The following SPAG16 variants were observed in gnomAD, a reference collection of about 807,000 sequenced individuals.
SPAG16 encodes the protein sperm-associated antigen 16 protein.
In SPAG16, 86 loss-of-function variants were observed where a neutral mutation model predicts 80.4. That is an observed-to-expected ratio of 1.07 (90% CI 0.90 to 1.28). The LOEUF (loss-of-function observed/expected upper bound fraction) is 1.28, where lower values mean the gene tolerates loss of function less well. Among genes scored for constraint, SPAG16 ranks in the 50% most tolerant of loss-of-function variants. The pLI, the probability that SPAG16 is intolerant of heterozygous loss-of-function variation, is 0.00. For synonymous variants in SPAG16, 294 were observed against 265.9 expected (o/e 1.11, Z -1.03); for missense variants, 870 against 765.3 (o/e 1.14, Z -1.61).
intron 11 of SPAG16, among the ~76,000 whole-genome samples, chr2:213,888,935 G>A (rs2076671565): frequency 6.6e-6 from 1 of 151,804 alleles, no homozygotes; most frequent in Non-Finnish European, 1.5e-5. Context: ...ATATACTACT[G>A]GTATGAATGA....
chr2:214,397,795 C>T (rs533147495), intron 15 of SPAG16, among the ~76,000 whole-genome samples: 1 of 152,258 alleles, frequency 6.6e-6, no homozygotes, highest in Admixed American at 6.5e-5. Flanking sequence ...TCTTTGTTTT[C>T]TTCTCTAATG....
intron 15 of SPAG16, among the ~76,000 whole-genome samples, chr2:214,270,363 A>AT: frequency 6.6e-6 from 1 of 152,258 alleles, no homozygotes; most frequent in Admixed American, 6.5e-5. Context: ...CTTTGTGGGT[A>AT]TTTTTTACTT....
chr2:213,439,005 C>T (rs1415373365), intron 9 of SPAG16, among the ~76,000 whole-genome samples: 1 of 152,186 alleles, frequency 6.6e-6, no homozygotes, highest in African/African-American at 2.4e-5. Context: ...CCTCAGTCAT[C>T]ACAGCTGCAA....
chr2:213,366,479 A>G (rs905365691), intron 8 of SPAG16, among the ~76,000 whole-genome samples: 3 of 152,196 alleles, frequency 2.0e-5, no homozygotes, highest in Non-Finnish European at 2.9e-5. Context: ...CCTCACAATA[A>G]TGGTGGAAGG....
chr2:214,095,854 C>T (rs2052553305), intron 13 of SPAG16, among the ~76,000 whole-genome samples: 2 of 151,880 alleles, frequency 1.3e-5, no homozygotes, highest in South Asian at 4.2e-4. Context: ...TGCTTTTTAA[C>T]CACAATAAAA....
intron 12 of SPAG16, among the ~76,000 whole-genome samples, chr2:213,969,818 G>C (rs568323469): frequency 6.6e-6 from 1 of 150,738 alleles, no homozygotes; most frequent in Non-Finnish European, 1.5e-5. Context: ...GTAAAATGTG[G>C]AAGAAAAAAA....
intron 10 of SPAG16, among the ~76,000 whole-genome samples, chr2:213,608,814 T>C (rs2061351304): frequency 6.6e-6 from 1 of 152,128 alleles, no homozygotes; most frequent in Admixed American, 6.5e-5. Context: ...GCCTCCCGAG[T>C]AGCTGGGGAC....
Position 214,117,173 on chromosome 2 carries a change from A to C in SPAG16, c.1593+8912A>C, listed in dbSNP as rs181863678. On this transcript the variant is annotated intron_variant, in intron 14 of 15. Coordinates refer to ENST00000331683, the MANE Select transcript of SPAG16 (RefSeq NM_024532.5). ...TTTATAGAGAGATTGAAATTTTAAA[A>C]AATCAAACAGAAATCCTGGAGCTGA... Among the ~76,000 whole-genome samples the C allele has an allele frequency of 9.2e-5, 14 of 152,286 alleles. No individual in the cohort carries two copies. The East Asian group carries it at 2.3e-3, about 25-fold the overall frequency.
chr2:214,223,766 G>T (rs1471349456), intron 15 of SPAG16, among the ~76,000 whole-genome samples: 3 of 152,088 alleles, frequency 2.0e-5, no homozygotes, highest in Admixed American at 6.6e-5. Context: ...GATGATTCCT[G>T]CCTTTAATAA....
intron 9 of SPAG16, among the ~76,000 whole-genome samples, chr2:213,439,744 T>A (rs186359050): frequency 6.6e-6 from 1 of 152,246 alleles, no homozygotes; most frequent in Non-Finnish European, 1.5e-5. Flanking sequence ...ATGAAAATTA[T>A]GACATTGGTT....
At chr2:214,386,070 A>C (rs1288689909) in intron 15 of SPAG16, among the ~76,000 whole-genome samples, 1 of 151,894 alleles carries the variant, frequency 6.6e-6, no homozygotes, top group African/African-American at 2.4e-5. Flanking sequence ...ACCTCATAAA[A>C]CGACTTAAAA....
intron 13 of SPAG16, among the ~76,000 whole-genome samples, chr2:214,100,986 G>T (rs2052977559): frequency 6.6e-6 from 1 of 152,028 alleles, no homozygotes; most frequent in Non-Finnish European, 1.5e-5. Context: ...CATTGATTAA[G>T]TAAGTCATTA....
At chr2:214,161,621 A>G (rs960684977) in intron 15 of SPAG16, among the ~76,000 whole-genome samples, 2 of 151,902 alleles carry the variant, frequency 1.3e-5, no homozygotes, top group African/African-American at 4.8e-5. Context: ...TGTCTGTTGG[A>G]CAGTGAGAGC....
intron 10 of SPAG16, among the ~76,000 whole-genome samples, chr2:213,704,384 A>G (rs2065643589): frequency 6.6e-6 from 1 of 152,172 alleles, no homozygotes; most frequent in Non-Finnish European, 1.5e-5. Context: ...TATTGGGGCA[A>G]AGAAAGGATA....
intron 15 of SPAG16, among the ~76,000 whole-genome samples, chr2:214,233,781 T>A (rs1272691250): frequency 2.0e-5 from 3 of 152,162 alleles, no homozygotes; most frequent in Non-Finnish European, 2.9e-5. Context: ...TCCAATCCTG[T>A]ACATGAGGAT....
chr2:213,335,910 A>T (rs1411739573), intron 5 of SPAG16, among the ~76,000 whole-genome samples: 4 of 151,930 alleles, frequency 2.6e-5, no homozygotes, highest in Non-Finnish European at 5.9e-5. Context: ...AGAGTAGCCA[A>T]GTTTACCAAA....
intron 7 of SPAG16, among the ~76,000 whole-genome samples, chr2:213,351,067 G>A (rs375300506): frequency 2.0e-5 from 3 of 152,110 alleles, no homozygotes; most frequent in Admixed American, 6.6e-5. Context: ...ATTTGAACCC[G>A]GGAGTGGAGG....
chr2:213,972,727 T>C (rs971263055), intron 12 of SPAG16, among the ~76,000 whole-genome samples: 1 of 152,184 alleles, frequency 6.6e-6, no homozygotes, highest in Admixed American at 6.6e-5. Context: ...CAGAGTCTTT[T>C]ATTTACTTTT....
At position 214,248,876 on chromosome 2, in the gene SPAG16, C is replaced by T. The variant is rs575590193; in HGVS notation, c.1720+99610C>T. Among the ~76,000 whole-genome samples the T allele has an allele frequency of 8.5e-5, 13 of 152,148 alleles. No individual in the cohort carries two copies. The East Asian group carries it at 1.4e-3, about 16-fold the overall frequency. On this transcript the variant is annotated intron_variant, in intron 15 of 15. Transcript: ENST00000331683. ...AGTTAAATTTATAGAAAAACTGGAA[C>T]GATCTGATGATATAAGTTTTGCAAA...
Sources: allele counts gnomAD v4.1 joint callset (sites outside exome capture counted in the v4.1 genomes callset), GRCh38; gene constraint gnomAD v4.1.1; transcripts MANE v1.5; gene names NCBI Gene and HGNC (gene_info 2026-07-23, HGNC 2026-07-21).